Variants in SCHIP1 observed in about 807,000 individuals in gnomAD.
SCHIP1 encodes the protein schwannomin-interacting protein 1.
Under a neutral mutation model 29.7 loss-of-function variants are expected in SCHIP1, and 8 were observed. The ratio of observed to expected loss-of-function variants is 0.27; its 90% CI spans 0.16 to 0.49. SCHIP1 has a LOEUF of 0.49. Ranked by LOEUF, SCHIP1 falls within the 20% of genes least tolerant of loss-of-function variation. SCHIP1 has a pLI of 0.99. For missense variants in SCHIP1, 193 were observed against 294.6 expected (o/e 0.66, Z 2.52); for synonymous variants, 76 against 94.9 (o/e 0.80, Z 1.16).
intron 1 of SCHIP1, among the ~76,000 whole-genome samples, chr3:159,856,868 A>G (rs1190431612): frequency 1.3e-5 from 2 of 152,244 alleles, no homozygotes; most frequent in African/African-American, 4.8e-5. Flanking sequence ...TGCAATAAAC[A>G]GGAACACAGA....
the SCHIP1 span, among the ~76,000 whole-genome samples, chr3:159,750,402 C>A: frequency 1.3e-5 from 2 of 151,168 alleles, no homozygotes; most frequent in Admixed American, 1.3e-4. Flanking sequence ...GGGGTATAGC[C>A]AAATATATTT....
chr3:159,332,781 G>A, the SCHIP1 span, among the ~76,000 whole-genome samples: 314 of 152,306 alleles, frequency 2.1e-3, 1 homozygote, highest in Non-Finnish European at 3.7e-3. Flanking sequence ...GGTGGGCAGG[G>A]TGAAGCAATT....
chr3:159,409,935 C>T, the SCHIP1 span, among the ~76,000 whole-genome samples: 1 of 152,046 alleles, frequency 6.6e-6, no homozygotes, highest in Non-Finnish European at 1.5e-5. Context: ...ACACACAGAC[C>T]AATGGAACAG....
At chr3:159,574,194 C>G in the SCHIP1 span, among the ~76,000 whole-genome samples, 79 of 152,344 alleles carry the variant, frequency 5.2e-4, no homozygotes, top group East Asian at 9.2e-3. Context: ...AAGAGGCACT[C>G]TGGTTTTTAG....
At chr3:159,377,695 A>G in the SCHIP1 span, among the ~76,000 whole-genome samples, 2 of 152,214 alleles carry the variant, frequency 1.3e-5, no homozygotes, top group East Asian at 3.8e-4. Context: ...AAATAATGCA[A>G]AATTAATTTC....
At chr3:159,460,586 A>G in the SCHIP1 span, among the ~76,000 whole-genome samples, 1 of 152,194 alleles carries the variant, frequency 6.6e-6, no homozygotes, top group Non-Finnish European at 1.5e-5. Flanking sequence ...AAGGTAATCA[A>G]CATGTCCCTG....
At chr3:159,511,708 G>T in the SCHIP1 span, among the ~76,000 whole-genome samples, 1 of 152,208 alleles carries the variant, frequency 6.6e-6, no homozygotes, top group Non-Finnish European at 1.5e-5. Context: ...AAGTATGCTT[G>T]TATGTGGACA....
At chr3:159,695,977 C>A in the SCHIP1 span, among the ~76,000 whole-genome samples, 2,956 of 152,182 alleles carry the variant, frequency 0.019, 97 homozygotes, top group African/African-American at 0.068. Context: ...CCCTACCGCA[C>A]CCCCCACCAC....
At chr3:159,481,700 G>A in the SCHIP1 span, among the ~76,000 whole-genome samples, 7 of 152,258 alleles carry the variant, frequency 4.6e-5, no homozygotes, top group Admixed American at 1.3e-4. Flanking sequence ...GGGCAAGCTG[G>A]TAGGAAACAC....
chr3:159,599,678 T>G, the SCHIP1 span, among the ~76,000 whole-genome samples: 39 of 152,336 alleles, frequency 2.6e-4, no homozygotes, highest in African/African-American at 8.7e-4. Context: ...TTCGTATTTT[T>G]GCAGTGCAAA....
the SCHIP1 span, among the ~76,000 whole-genome samples, chr3:159,546,045 A>G: frequency 2.0e-5 from 3 of 151,666 alleles, no homozygotes; most frequent in South Asian, 6.4e-4. Context: ...ATTTTTGTTT[A>G]CTTGTTTTAT....
chr3:159,610,238 G>A, the SCHIP1 span, among the ~76,000 whole-genome samples: 1 of 152,154 alleles, frequency 6.6e-6, no homozygotes, highest in Non-Finnish European at 1.5e-5. Flanking sequence ...AGATGACATG[G>A]GATGGAGGTG....
At chr3:159,293,323 G>C in the SCHIP1 span, among the ~76,000 whole-genome samples, 3 of 152,308 alleles carry the variant, frequency 2.0e-5, no homozygotes, top group African/African-American at 7.2e-5. Flanking sequence ...TACCAAATCT[G>C]AAGGGAAAAC....
chr3:159,319,817 C>T, the SCHIP1 span, among the ~76,000 whole-genome samples: 1 of 152,172 alleles, frequency 6.6e-6, no homozygotes, highest in South Asian at 2.1e-4. Context: ...TCATGGTTTA[C>T]TCCTCATTTG....
the SCHIP1 span, among the ~76,000 whole-genome samples, chr3:159,453,401 T>TA: frequency 2.0e-5 from 3 of 152,186 alleles, no homozygotes; most frequent in Admixed American, 6.5e-5. Flanking sequence ...GTGTCTGTGT[T>TA]AAAAACCATC....
At chr3:159,379,747 AAAG>A in the SCHIP1 span, among the ~76,000 whole-genome samples, 1 of 151,894 alleles carries the variant, frequency 6.6e-6, no homozygotes, top group Non-Finnish European at 1.5e-5. Flanking sequence ...CACATGACAA[AAAG>A]AAAAGCTGCC....
At chr3:159,276,496 C>G in the SCHIP1 span, among the ~76,000 whole-genome samples, 1 of 152,174 alleles carries the variant, frequency 6.6e-6, no homozygotes. Flanking sequence ...ATAAAACTTT[C>G]TATCAAGTGA....
the SCHIP1 span, among the ~76,000 whole-genome samples, chr3:159,566,801 G>C: frequency 6.6e-6 from 1 of 152,162 alleles, no homozygotes; most frequent in Admixed American, 6.5e-5. Flanking sequence ...AGACCAGAGA[G>C]TGCCGTACCT....
chr3:159,323,639 A>C, the SCHIP1 span, among the ~76,000 whole-genome samples: 1 of 152,238 alleles, frequency 6.6e-6, no homozygotes, highest in Non-Finnish European at 1.5e-5. Context: ...TTTCACATAC[A>C]TCTTTGCACA....
Sources: gnomAD v4.1 joint callset for allele counts (sites outside exome capture counted in the v4.1 genomes callset) on GRCh38, gnomAD v4.1.1 for gene constraint, MANE v1.5 for transcripts, NCBI Gene and HGNC (gene_info 2026-07-23, HGNC 2026-07-21) for gene names.